Variants in ME3 observed in about 807,000 individuals in gnomAD.
ME3 encodes malic enzyme 3.
ME3 carries 48 observed loss-of-function variants against 68.9 expected under a neutral mutation model. That is an observed-to-expected ratio of 0.70 (90% CI 0.55 to 0.89). ME3 has a LOEUF of 0.89. Ranked by LOEUF, ME3 falls within the 40% of genes least tolerant of loss-of-function variation. The pLI is 0.00. For synonymous variants in ME3, 320 were observed against 318.8 expected, an observed-to-expected ratio of 1.00 and a Z score of -0.04; for missense variants, 675 against 797.4, an observed-to-expected ratio of 0.85 and a Z score of 1.85.
At chr11:86,521,795 A>G (rs1333457874) in intron 4 of ME3, among the ~76,000 whole-genome samples, 4 of 152,212 alleles carry the variant, frequency 2.6e-5, no homozygotes, top group Non-Finnish European at 5.9e-5. Flanking sequence ...CTACTATAGA[A>G]AGTCAAGCTC....
At chr11:86,476,624 A>T (rs1951095834) in intron 7 of ME3, among the ~76,000 whole-genome samples, 1 of 152,206 alleles carries the variant, frequency 6.6e-6, no homozygotes, top group Admixed American at 6.5e-5. Context: ...AAAAAATATA[A>T]GAACACCTCA....
At chr11:86,450,809 G>A (rs1044714527) in intron 8 of ME3, among the ~76,000 whole-genome samples, 1 of 152,180 alleles carries the variant, frequency 6.6e-6, no homozygotes, top group African/African-American at 2.4e-5. Context: ...ATGACCATAT[G>A]GCCTGAGCTG....
At chr11:86,579,836 G>A (rs779487948) in intron 2 of ME3, among the ~76,000 whole-genome samples, 3 of 152,152 alleles carry the variant, frequency 2.0e-5, no homozygotes, top group African/African-American at 7.2e-5. Context: ...AAGGTCAATG[G>A]ATTCCAAGTT....
intron 1 of ME3, 110 bp downstream of exon 1, chr11:86,672,214 G>C (rs574101931): frequency 1.5e-5 from 6 of 404,270 alleles, no homozygotes; most frequent in Non-Finnish European, 2.6e-5. Context: ...GACAGCCGGC[G>C]CCACCCCTGC....
chr11:86,615,917 T>TA (rs763928257), intron 2 of ME3, among the ~76,000 whole-genome samples: 9 of 152,130 alleles, frequency 5.9e-5, no homozygotes, highest in South Asian at 2.1e-4. Flanking sequence ...CAATAACAAT[T>TA]AAAAAAACTC....
rs117276557 is a variant in ME3, at chr11:86,461,680, C to G, written c.919+3411G>C. Among the ~76,000 whole-genome samples the G allele has an allele frequency of 4.4e-3, 670 of 152,266 alleles. 3 individuals carry two copies. The highest frequency in any genetic ancestry group is 7.5e-3 in the Non-Finnish European group (507 of 68,024). ...GCGAGGTGGCTCTCTCTCTCTGAGGCTCTGCATGATGTGCTGACAGCCTTG... is the reference window on the plus strand; with the variant it reads ...GCGAGGTGGCTCTCTCTCTCTGAGGGTCTGCATGATGTGCTGACAGCCTTG... On this transcript the variant is annotated intron_variant, in intron 8 of 14. Transcript: ENST00000543262.
At chr11:86,639,897 T>G (rs1025675003) in intron 2 of ME3, among the ~76,000 whole-genome samples, 16 of 152,304 alleles carry the variant, frequency 1.1e-4, no homozygotes, top group African/African-American at 3.8e-4. Flanking sequence ...GAGTGGGTGA[T>G]TGGGGGCAGG....
intron 3 of ME3, among the ~76,000 whole-genome samples, chr11:86,557,119 G>A (rs1956971292): frequency 6.6e-6 from 1 of 152,152 alleles, no homozygotes; most frequent in African/African-American, 2.4e-5. Flanking sequence ...ATGATATTAT[G>A]TGAACATTAA....
At chr11:86,523,552 T>C (rs1954493094) in intron 4 of ME3, among the ~76,000 whole-genome samples, 1 of 152,248 alleles carries the variant, frequency 6.6e-6, no homozygotes, top group Non-Finnish European at 1.5e-5. Flanking sequence ...GATATTGCTC[T>C]ATCCTCTTTT....
intron 4 of ME3, among the ~76,000 whole-genome samples, chr11:86,528,502 G>A (rs1314410399): frequency 2.0e-5 from 3 of 152,024 alleles, no homozygotes; most frequent in Non-Finnish European, 4.4e-5. Flanking sequence ...TGCACCAAGT[G>A]GACCTAATAG....
At chr11:86,608,975 T>C (rs561000208) in intron 2 of ME3, among the ~76,000 whole-genome samples, 2 of 151,898 alleles carry the variant, frequency 1.3e-5, no homozygotes, top group Non-Finnish European at 2.9e-5. Flanking sequence ...ATTGAGCTCT[T>C]ATGTGTCAGG....
exon 15 of ME3, chr11:86,441,370 A>G: frequency 6.2e-7 from 1 of 1,613,460 alleles, no homozygotes; most frequent in Non-Finnish European, 8.5e-7. Flanking sequence ...CAGGGATCTT[A>G]CAAAAGCCTC....
At chr11:86,530,385 G>A (rs1955118114) in intron 4 of ME3, among the ~76,000 whole-genome samples, 1 of 152,206 alleles carries the variant, frequency 6.6e-6, no homozygotes, top group South Asian at 2.1e-4. Context: ...CATGCTCATG[G>A]ATAGGAAGAA....
At chr11:86,535,552 T>C (rs1955594356) in intron 4 of ME3, among the ~76,000 whole-genome samples, 1 of 152,190 alleles carries the variant, frequency 6.6e-6, no homozygotes, top group Non-Finnish European at 1.5e-5. Context: ...AGGGATAAAG[T>C]CTATCCTTTA....
intron 2 of ME3, among the ~76,000 whole-genome samples, chr11:86,582,577 G>A (rs1027533656): frequency 2.6e-5 from 4 of 152,190 alleles, no homozygotes; most frequent in African/African-American, 9.7e-5. Flanking sequence ...CCTAAGGAGA[G>A]TGGATAAGTG....
At chr11:86,500,920 C>T (rs979950373) in intron 5 of ME3, among the ~76,000 whole-genome samples, 29 of 151,660 alleles carry the variant, frequency 1.9e-4, no homozygotes, top group African/African-American at 4.6e-4. Flanking sequence ...CTTTCACAAG[C>T]GTGTATTAAG....
intron 2 of ME3, among the ~76,000 whole-genome samples, chr11:86,634,650 A>G (rs1163366201): frequency 1.3e-5 from 2 of 151,952 alleles, no homozygotes; most frequent in African/African-American, 4.8e-5. Context: ...TAGAGACAGG[A>G]TCACATTCAC....
chr11:86,526,798 T>G (rs888552813), intron 4 of ME3, among the ~76,000 whole-genome samples: 7 of 152,206 alleles, frequency 4.6e-5, no homozygotes, highest in African/African-American at 1.7e-4. Flanking sequence ...GACCTGCAGC[T>G]GAGGGTCCTA....
chr11:86,450,028 T>C (rs2138623874), intron 9 of ME3, 26 bp from the exon 10 acceptor site: 1 of 1,539,156 alleles, frequency 6.5e-7, no homozygotes, highest in East Asian at 2.3e-5. Context: ...GGGTAGATGT[T>C]CAGACACAGG....
Sources: gnomAD v4.1 joint callset for allele counts (sites outside exome capture counted in the v4.1 genomes callset) on GRCh38, gnomAD v4.1.1 for gene constraint, MANE v1.5 for transcripts, NCBI Gene and HGNC (gene_info 2026-07-23, HGNC 2026-07-21) for gene names.